The following HIPK2 variants were observed in gnomAD, a reference collection of about 807,000 sequenced individuals.
HIPK2 encodes the protein homeodomain interacting protein kinase 2.
In HIPK2, 27 loss-of-function variants were observed where a neutral mutation model predicts 113.7. The observed-to-expected ratio is 0.24, with a 90% CI of 0.17 to 0.33. The LOEUF (loss-of-function observed/expected upper bound fraction) is 0.33, where lower values mean the gene tolerates loss of function less well. Among genes scored for constraint, HIPK2 ranks in the 10% least tolerant of loss-of-function variants. The pLI is 1.00. For missense variants in HIPK2, 1,257 were observed against 1,588.0 expected, an observed-to-expected ratio of 0.79 and a Z score of 3.54; for synonymous variants, 631 against 642.2, an observed-to-expected ratio of 0.98 and a Z score of 0.26.
chr7:139,649,349 G>A (rs950774993), intron 2 of HIPK2, among the ~76,000 whole-genome samples: 5 of 152,208 alleles, frequency 3.3e-5, no homozygotes, highest in African/African-American at 1.2e-4. Flanking sequence ...CGCAGATGCT[G>A]CTTGTGCTGA....
intron 9 of HIPK2, among the ~76,000 whole-genome samples, chr7:139,608,252 C>CATGT (rs142420444): frequency 2.2e-5 from 3 of 136,964 alleles, no homozygotes; most frequent in Admixed American, 7.6e-5. Flanking sequence ...CAAAAAAATA[C>CATGT]GTGTGTGTGT....
chr7:139,622,091 A>G (rs1230033203), intron 6 of HIPK2, among the ~76,000 whole-genome samples: 3 of 152,202 alleles, frequency 2.0e-5, no homozygotes, highest in Non-Finnish European at 4.4e-5. Flanking sequence ...CTCTGTGGGT[A>G]TGCTATCTTT....
At position 139,631,154 on chromosome 7, in the gene HIPK2, G is replaced by A. The variant is rs775021545; in HGVS notation, c.1347+11C>T. The A allele has an allele frequency of 3.7e-6, 6 of 1,606,696 alleles. No homozygotes were observed. The highest frequency in any genetic ancestry group is 2.2e-5 in the East Asian group (1 of 44,656). ...GGCCACTGTGAGGAGTGGAGGAGAC[G>A]CTCTTCCTACCTTCAGTCTCCACAA... On this transcript the variant is annotated intron_variant, in intron 4 of 14. Coordinates refer to ENST00000406875, the MANE Select transcript of HIPK2 (RefSeq NM_022740.5). This position sits in a 1 kb window ranked among gnomAD's most constrained non-coding sequence, Gnocchi z 4.9.
intron 1 of HIPK2, among the ~76,000 whole-genome samples, chr7:139,747,644 C>T (rs1796211630): frequency 6.6e-6 from 1 of 152,226 alleles, no homozygotes; most frequent in Non-Finnish European, 1.5e-5. Context: ...CCCACCTAGG[C>T]CCCTGTGGCT....
intron 1 of HIPK2, among the ~76,000 whole-genome samples, chr7:139,717,779 T>C (rs546905654): frequency 2.0e-5 from 3 of 152,148 alleles, no homozygotes; most frequent in Non-Finnish European, 2.9e-5. Context: ...AGTCTCGCTC[T>C]TGTCACCCAG....
intron 6 of HIPK2, among the ~76,000 whole-genome samples, chr7:139,621,210 A>G (rs74531640): frequency 0.032 from 4,812 of 152,340 alleles, 108 homozygotes; most frequent in African/African-American, 0.068. Flanking sequence ...TCGGTCCGGC[A>G]ACATCCATAA....
rs879305337 is a variant in HIPK2 at position 139,570,194 on chromosome 7, C to G, written c.*2733G>C. On this transcript the variant is annotated 3_prime_UTR_variant, in exon 15 of 15. Transcript: ENST00000406875. ...TCATTTGCAGCCAAGACTTGGAACTCGGGATGAGACCTAATGGGCTATTGC... is the reference window on the plus strand; with the variant it reads ...TCATTTGCAGCCAAGACTTGGAACTGGGGATGAGACCTAATGGGCTATTGC... 1.3e-5 allele frequency: 2 copies of G among 151,354 alleles called. No individual in the cohort carries two copies. Among genetic ancestry groups the G allele is most frequent in the African/African-American group, 2.4e-5 (1 of 41,134 alleles). 9.4% of individuals were successfully genotyped at this position (151,354 alleles called of 1,614,324 possible). A position where few individuals can be genotyped will look rare whatever the true frequency, so the allele number is the denominator to read the frequency against.
intron 1 of HIPK2, among the ~76,000 whole-genome samples, chr7:139,752,006 C>A (rs1796286361): frequency 6.6e-6 from 1 of 152,202 alleles, no homozygotes; most frequent in African/African-American, 2.4e-5. Flanking sequence ...GAAAAGTTTA[C>A]TGCCCCTTTC....
intron 2 of HIPK2, among the ~76,000 whole-genome samples, chr7:139,701,735 G>A (rs1194166536): frequency 3.3e-5 from 5 of 152,304 alleles, no homozygotes; most frequent in Non-Finnish European, 4.4e-5. Flanking sequence ...TATACTAAAC[G>A]CAAATTATTT....
At chr7:139,667,860 C>T (rs980908521) in intron 2 of HIPK2, among the ~76,000 whole-genome samples, 5 of 151,964 alleles carry the variant, frequency 3.3e-5, no homozygotes, top group Non-Finnish European at 7.4e-5. Context: ...AGCGGTGGCT[C>T]GCACCTGTAA....
intron 1 of HIPK2, among the ~76,000 whole-genome samples, chr7:139,764,463 A>G (rs1370551006): frequency 6.6e-6 from 1 of 152,218 alleles, no homozygotes; most frequent in African/African-American, 2.4e-5. Flanking sequence ...AAAGTCAAGG[A>G]TGACTCTGGG....
At chr7:139,761,986 T>G (rs1796473273) in intron 1 of HIPK2, among the ~76,000 whole-genome samples, 1 of 152,196 alleles carries the variant, frequency 6.6e-6, no homozygotes, top group South Asian at 2.1e-4. Context: ...TGGAGTGTTT[T>G]GCTTGCCTTT....
chr7:139,601,223 A>C (rs941981375), intron 10 of HIPK2, among the ~76,000 whole-genome samples: 2 of 151,540 alleles, frequency 1.3e-5, no homozygotes, highest in African/African-American at 4.9e-5. Context: ...AGCCTGGGTG[A>C]CAGAGCGAGA....
Position 139,683,850 on chromosome 7 carries a change from A to G in HIPK2, c.1103+32082T>C, listed in dbSNP as rs1794133243. ...TGAAGGGCTACAAATACTTTAGAAA[A>G]TAGTTTTAAACACTGAATGGGCTTG... is the stretch of plus-strand genomic sequence containing the variant. On this transcript the variant is annotated intron_variant, in intron 2 of 14. Coordinates refer to ENST00000406875, the MANE Select transcript of HIPK2 (RefSeq NM_022740.5). The surrounding 1 kb of genome is among the most constrained non-coding windows in gnomAD (Gnocchi z 4.2). Among the ~76,000 whole-genome samples the G allele has an allele frequency of 6.6e-6, 1 of 152,166 alleles. No homozygotes were observed. Among genetic ancestry groups the G allele is most frequent in the Non-Finnish European group, 1.5e-5 (1 of 68,028 alleles).
chr7:139,726,998 G>T (rs1585426985), intron 1 of HIPK2, among the ~76,000 whole-genome samples: 1 of 152,272 alleles, frequency 6.6e-6, no homozygotes, highest in South Asian at 2.1e-4. Flanking sequence ...AAGAGGAAAT[G>T]TTCTATATGC....
chr7:139,770,270 T>C (rs946864432), intron 1 of HIPK2, among the ~76,000 whole-genome samples: 2 of 152,240 alleles, frequency 1.3e-5, no homozygotes, highest in African/African-American at 2.4e-5. Flanking sequence ...CAAATCTCCC[T>C]GCCCTGTGAC....
intron 2 of HIPK2, among the ~76,000 whole-genome samples, chr7:139,685,517 G>T (rs1344109219): frequency 6.6e-6 from 1 of 152,170 alleles, no homozygotes; most frequent in East Asian, 1.9e-4. Context: ...ATGCCATCTA[G>T]GACTTTCGTA....
chr7:139,578,646 C>T (rs1798570037), intron 13 of HIPK2, among the ~76,000 whole-genome samples: 1 of 152,148 alleles, frequency 6.6e-6, no homozygotes, highest in Admixed American at 6.5e-5. Context: ...TTTTTATCAC[C>T]TTGACTTTCT....
At chr7:139,599,604 T>C (rs888658319) in intron 11 of HIPK2, among the ~76,000 whole-genome samples, 1 of 152,226 alleles carries the variant, frequency 6.6e-6, no homozygotes, top group Non-Finnish European at 1.5e-5. Context: ...AAACAAGCTA[T>C]TGCTTCTATT....
Sources: gnomAD v4.1 joint callset for allele counts (sites outside exome capture counted in the v4.1 genomes callset) on GRCh38, gnomAD v4.1.1 for gene constraint, Gnocchi (gnomAD v3.1) non-coding constraint, MANE v1.5 for transcripts, NCBI Gene and HGNC (gene_info 2026-07-23, HGNC 2026-07-21) for gene names.